The following DSCAML1 variants were observed in gnomAD, a reference collection of about 807,000 sequenced individuals.
DSCAML1 encodes cell adhesion molecule DSCAML1.
In DSCAML1, 38 loss-of-function variants were observed where a neutral mutation model predicts 200.5. The ratio of observed to expected loss-of-function variants is 0.19; its 90% CI spans 0.15 to 0.25. DSCAML1 has a LOEUF of 0.25. Ranked by LOEUF, DSCAML1 falls within the 10% of genes least tolerant of loss-of-function variation. The pLI, the probability that DSCAML1 is intolerant of heterozygous loss-of-function variation, is 1.00. For missense variants in DSCAML1, 2,223 were observed against 2,858.8 expected (o/e 0.78, Z 5.07); for synonymous variants, 1,215 against 1,165.0 (o/e 1.04, Z -0.87).
At position 117,428,705 on chromosome 11, in the gene DSCAML1, A is replaced by G; in HGVS notation, c.5785T>C (p.Ser1929Pro). The change falls in exon 33 of 33, where the codon TCC becomes CCC. Residue 1929 changes from serine to proline, a missense_variant. By Grantham distance (74) the Ser-to-Pro change is moderately conservative (BLOSUM62 -1). This residue lies in a region of DSCAML1 where 280 missense variants were observed against 213.4 expected (regional missense o/e 1.31). Coordinates refer to ENST00000651296, the MANE Select transcript of DSCAML1 (RefSeq NM_020693.4). ...PCPVVPPREA[S>P]IRNLARTYHT... ...TAGGTTCGAGCCAGGTTCCGGATGGAGGCCTCACGGGGTGGGACCACGGGG... is the reference window on the plus strand; with the variant it reads ...TAGGTTCGAGCCAGGTTCCGGATGGGGGCCTCACGGGGTGGGACCACGGGG... 1 of 1,613,088 alleles carries G rather than the reference A, an allele frequency of 6.2e-7. No individual in the cohort carries two copies. The highest frequency in any genetic ancestry group is 8.5e-7 in the Non-Finnish European group (1 of 1,179,692).
At chr11:117,576,658 A>G (rs648740) in intron 3 of DSCAML1, among the ~76,000 whole-genome samples, 127,007 of 152,138 alleles carry the variant, frequency 0.83, 53,383 homozygotes, top group Middle Eastern at 0.9. Context: ...TGAATGCCTC[A>G]TACAACAGAG....
intron 3 of DSCAML1, among the ~76,000 whole-genome samples, chr11:117,677,038 C>G (rs544053989): frequency 6.6e-6 from 1 of 152,304 alleles, no homozygotes; most frequent in South Asian, 2.1e-4. Context: ...TTTCATCTTG[C>G]TGGGTGGTGG....
intron 3 of DSCAML1, among the ~76,000 whole-genome samples, chr11:117,601,688 T>C (rs1480204243): frequency 6.6e-6 from 1 of 152,190 alleles, no homozygotes; most frequent in Non-Finnish European, 1.5e-5. Flanking sequence ...TGAGAATAAG[T>C]GCTGATTATA....
At chr11:117,614,185 C>G (rs777464484) in intron 3 of DSCAML1, among the ~76,000 whole-genome samples, 3 of 152,170 alleles carry the variant, frequency 2.0e-5, no homozygotes, top group Non-Finnish European at 4.4e-5. Flanking sequence ...CAGTTCTGCA[C>G]TCACGCCTGT....
intron 5 of DSCAML1, among the ~76,000 whole-genome samples, chr11:117,522,792 G>A (rs919390276): frequency 3.3e-5 from 5 of 152,134 alleles, no homozygotes; most frequent in South Asian, 4.1e-4. Flanking sequence ...GGGGGGCTTC[G>A]TGGAGGAGTA....
In DSCAML1 at chr11:117,438,938, G is replaced by A. The variant is rs759021316; in HGVS notation, c.4190C>T (p.Ser1397Leu). 6.5e-5 allele frequency: 104 copies of A among 1,609,274 alleles called. No individual in the cohort carries two copies. The highest frequency in any genetic ancestry group is 8.5e-5 in the Admixed American group (5 of 58,948). ...PRLTVSKTSA[S>L]SITLTWIPGD... is the part of the protein sequence containing the mutation. ...TGGAATCCAGGTCAGGGTGATGGAC[G>A]AAGCTGAGGTTTTGGAGACAGTGAG... Residue 1397 changes from serine (S) to leucine (L), a missense_variant, in exon 24 of 33, where the codon TCG (serine) becomes TTG (leucine). Around this residue, in one of 7 missense-constraint regions of DSCAML1, gnomAD observed 614 missense variants for 739.1 expected, o/e 0.83. Transcript: ENST00000651296.
rs2049173828 is a variant in DSCAML1, at chr11:117,491,130, G to A, written c.2360-8968C>T. On this transcript the variant is annotated intron_variant, in intron 11 of 32. Coordinates refer to ENST00000651296, the MANE Select transcript of DSCAML1 (RefSeq NM_020693.4). The stretch of plus-strand genomic sequence containing the variant: ...GGAGGATGTTGAAGGAACAGGATGA[G>A]AATGCCACGGGCTGCCGGGAGAGGC... Among the ~76,000 whole-genome samples, 4 of 152,190 alleles carry A rather than the reference G, an allele frequency of 2.6e-5. No homozygotes were observed. In the South Asian group the frequency reaches 8.3e-4, roughly 32 times the overall value.
At position 117,458,815 on chromosome 11, in the gene DSCAML1, G is replaced by A. The variant is rs749120611; in HGVS notation, c.3507C>T (p.Ala1169=). ...GTACGCCGTCCCCAGCCTGGGTGTA[G>A]GCCAGCACCTGGACGCTGTAGTTGG... ...KFTNYSVQVL[A]YTQAGDGVRS... is the part of the protein sequence containing the mutation. Residue 1169 remains alanine, a synonymous_variant, in exon 19 of 33, where the codon GCC becomes GCT. Transcript: ENST00000651296. 1 of 1,613,934 alleles carries A rather than the reference G, an allele frequency of 6.2e-7. No homozygotes were observed. The highest frequency in any genetic ancestry group is 8.5e-7 in the Non-Finnish European group (1 of 1,180,022).
At chr11:117,767,540 C>T (rs1349037552) in intron 3 of DSCAML1, among the ~76,000 whole-genome samples, 1 of 152,198 alleles carries the variant, frequency 6.6e-6, no homozygotes, top group Non-Finnish European at 1.5e-5. Context: ...ATTTTCTCCA[C>T]ACTTCAAGGA....
intron 3 of DSCAML1, among the ~76,000 whole-genome samples, chr11:117,632,115 G>A (rs1413528323): frequency 1.3e-5 from 2 of 152,190 alleles, no homozygotes; most frequent in Non-Finnish European, 1.5e-5. Context: ...AGACACGACC[G>A]GAGGCTTTTC....
At chr11:117,481,357 C>T in intron 12 of DSCAML1, 87 bp from the exon 13 acceptor site, 1 of 1,286,264 alleles carries the variant, frequency 7.8e-7, no homozygotes, top group Non-Finnish European at 1.1e-6. Context: ...CTCCAGGGCT[C>T]TCAGCAAGGC....
intron 18 of DSCAML1, 38 bp downstream of exon 18, chr11:117,461,412 C>T (rs375606535): frequency 7.8e-4 from 1,255 of 1,613,566 alleles, no homozygotes; most frequent in Non-Finnish European, 1.0e-3. Flanking sequence ...ACCTGCGCCT[C>T]TCCCCTGAGT....
chr11:117,439,520 G>T, intron 22 of DSCAML1, 91 bp from the exon 23 acceptor site: 1 of 1,495,892 alleles, frequency 6.7e-7, no homozygotes, highest in Middle Eastern at 2.5e-4. Context: ...GAGAGCTGGG[G>T]GTGGAAGGAG....
At chr11:117,616,765 G>A (rs2051818967) in intron 3 of DSCAML1, among the ~76,000 whole-genome samples, 1 of 152,122 alleles carries the variant, frequency 6.6e-6, no homozygotes, top group South Asian at 2.1e-4. Context: ...AAGTCAATAA[G>A]CTGTATAAGA....
chr11:117,735,044 C>T (rs1165711211), intron 3 of DSCAML1, among the ~76,000 whole-genome samples: 4 of 152,122 alleles, frequency 2.6e-5, no homozygotes, highest in Non-Finnish European at 5.9e-5. Flanking sequence ...CCCTCACAGC[C>T]CTTGCTTACT....
At chr11:117,515,657 G>C (rs553257463) in intron 8 of DSCAML1, among the ~76,000 whole-genome samples, 1 of 109,052 alleles carries the variant, frequency 9.2e-6, no homozygotes, top group Non-Finnish European at 1.7e-5. Flanking sequence ...TTCAACTCTT[G>C]TTGCCCAGGC....
chr11:117,481,930 G>C, intron 12 of DSCAML1, 33 bp downstream of exon 12: 1 of 1,612,042 alleles, frequency 6.2e-7, no homozygotes, highest in Non-Finnish European at 8.5e-7. Flanking sequence ...TCTGAGAGTT[G>C]GGGTCCCCCA....
intron 3 of DSCAML1, among the ~76,000 whole-genome samples, chr11:117,741,116 G>A (rs1321435542): frequency 6.6e-6 from 1 of 152,258 alleles, no homozygotes; most frequent in Admixed American, 6.5e-5. Context: ...TGACAGAGAT[G>A]GTCTCCACCA....
At chr11:117,690,613 A>G (rs2053477823) in intron 3 of DSCAML1, among the ~76,000 whole-genome samples, 1 of 152,220 alleles carries the variant, frequency 6.6e-6, no homozygotes, top group Admixed American at 6.5e-5. Flanking sequence ...GACATGTCCA[A>G]GGCTACCAGC....
Sources: allele counts gnomAD v4.1 joint callset (sites outside exome capture counted in the v4.1 genomes callset), GRCh38; gene constraint gnomAD v4.1.1; regional missense constraint gnomAD v4.1.1; transcripts MANE v1.5; gene names NCBI Gene and HGNC (gene_info 2026-07-23, HGNC 2026-07-21).